RAB30: variants seen among roughly 807,000 people sequenced by gnomAD.
RAB30 encodes the protein ras-related protein Rab-30.
A neutral mutation model predicts 25.1 loss-of-function variants in RAB30; 9 were observed. That is an observed-to-expected ratio of 0.36 (90% CI 0.22 to 0.63). RAB30 has a LOEUF of 0.63. Among genes scored for constraint, RAB30 ranks in the 20% least tolerant of loss-of-function variants. The pLI is 0.69. For missense variants in RAB30, 140 were observed against 243.5 expected, an observed-to-expected ratio of 0.58 and a Z score of 2.83; for synonymous variants, 77 against 86.4, an observed-to-expected ratio of 0.89 and a Z score of 0.60.
intron 1 of RAB30, among the ~76,000 whole-genome samples, chr11:83,030,194 AT>A (rs948210761): frequency 6.6e-6 from 1 of 152,128 alleles, no homozygotes; most frequent in African/African-American, 2.4e-5. Context: ...ATTTAAAAAA[AT>A]TTTTTTAATG....
At chr11:82,992,827 A>C (rs1010263836) in intron 3 of RAB30, among the ~76,000 whole-genome samples, 7 of 151,652 alleles carry the variant, frequency 4.6e-5, no homozygotes, top group African/African-American at 1.5e-4. Context: ...GGCTCACTGC[A>C]GACTCAACTT....
At chr11:82,999,138 G>C (rs927226389) in intron 1 of RAB30, among the ~76,000 whole-genome samples, 2 of 152,226 alleles carry the variant, frequency 1.3e-5, no homozygotes, top group Non-Finnish European at 1.5e-5. Flanking sequence ...TCCATAAGCA[G>C]TGGTAGCATT....
chr11:82,989,320 G>A (rs1856802538), intron 3 of RAB30, among the ~76,000 whole-genome samples: 1 of 152,168 alleles, frequency 6.6e-6, no homozygotes, highest in African/African-American at 2.4e-5. Context: ...ATCCATTGCT[G>A]TCACCCTCTG....
intron 1 of RAB30, among the ~76,000 whole-genome samples, chr11:83,057,581 G>A (rs2121519831): frequency 6.6e-6 from 1 of 152,278 alleles, no homozygotes; most frequent in African/African-American, 2.4e-5. Context: ...TTGAGGGAGA[G>A]GAAAGGGAAG....
intron 1 of RAB30, among the ~76,000 whole-genome samples, chr11:83,059,246 T>C (rs1858515875): frequency 6.6e-6 from 1 of 152,200 alleles, no homozygotes; most frequent in Non-Finnish European, 1.5e-5. Context: ...CTGGCCTCTT[T>C]CCAGGGTTTC....
At chr11:83,061,566 G>A (rs1288450991) in intron 1 of RAB30, among the ~76,000 whole-genome samples, 2 of 152,114 alleles carry the variant, frequency 1.3e-5, no homozygotes, top group Non-Finnish European at 2.9e-5. Flanking sequence ...TTACTTTCAA[G>A]TGGTTTAGAA....
chr11:83,022,533 C>T (rs1857605390), intron 1 of RAB30, among the ~76,000 whole-genome samples: 1 of 152,196 alleles, frequency 6.6e-6, no homozygotes, highest in Non-Finnish European at 1.5e-5. Context: ...GTTCCATTAA[C>T]TTCCAATAAT....
chr11:82,999,822 C>A (rs1281401071), intron 1 of RAB30, among the ~76,000 whole-genome samples: 1 of 152,098 alleles, frequency 6.6e-6, no homozygotes, highest in East Asian at 1.9e-4. Flanking sequence ...GGTCCTGGGC[C>A]TCCCTGCTCT....
chr11:83,069,591 A>G (rs1236383912), intron 1 of RAB30, among the ~76,000 whole-genome samples: 1 of 152,118 alleles, frequency 6.6e-6, no homozygotes, highest in African/African-American at 2.4e-5. Flanking sequence ...AAGAGGGGGG[A>G]AAGATCAGCC....
chr11:83,058,642 T>C (rs1858503227), intron 1 of RAB30, among the ~76,000 whole-genome samples: 1 of 152,380 alleles, frequency 6.6e-6, no homozygotes, highest in Admixed American at 6.5e-5. Flanking sequence ...GTGTAAACGT[T>C]GATCACTTAA....
chr11:83,067,302 G>T (rs572796017), intron 1 of RAB30, among the ~76,000 whole-genome samples: 1 of 152,178 alleles, frequency 6.6e-6, no homozygotes, highest in Admixed American at 6.5e-5. Context: ...CCATGCTGGG[G>T]TAAGTATAAA....
At chr11:83,037,099 T>A (rs1354050249) in intron 1 of RAB30, among the ~76,000 whole-genome samples, 2 of 151,920 alleles carry the variant, frequency 1.3e-5, no homozygotes, top group African/African-American at 2.4e-5. Flanking sequence ...AGGGGAGAGA[T>A]AATGGTGGCC....
rs1478854620 is a variant in RAB30, at chr11:82,976,282, T to A, written c.*5883A>T. 6.6e-6 allele frequency: 1 copy of A among 152,224 alleles called. No homozygotes were observed. Among genetic ancestry groups the A allele is most frequent in the Non-Finnish European group, 1.5e-5 (1 of 68,028 alleles). 9.4% of individuals were successfully genotyped at this position (152,224 alleles called of 1,614,324 possible). A position where few individuals can be genotyped will look rare whatever the true frequency, so the allele number is the denominator to read the frequency against. On this transcript the variant is annotated 3_prime_UTR_variant, in exon 5 of 5. Coordinates refer to ENST00000527633, the MANE Select transcript of RAB30 (RefSeq NM_001286060.2). ...ATTAAAGTGAAAAAGAACTAATATT[T>A]GAGTGCTAACTGTTTACCAAGCACT...
intron 1 of RAB30, among the ~76,000 whole-genome samples, chr11:83,068,034 A>C (rs759978895): frequency 9.9e-5 from 15 of 151,624 alleles, no homozygotes; most frequent in Non-Finnish European, 1.9e-4. Flanking sequence ...CTGAGGCAGG[A>C]GAATCGCTTG....
At chr11:83,014,772 GAGAA>G (rs1002424148) in intron 1 of RAB30, among the ~76,000 whole-genome samples, 19 of 150,520 alleles carry the variant, frequency 1.3e-4, no homozygotes, top group East Asian at 3.9e-4. Context: ...GAGAAAGAAA[GAGAA>G]AGAAAGAAAG....
At chr11:83,025,528 C>A (rs1857690221) in intron 1 of RAB30, among the ~76,000 whole-genome samples, 1 of 152,222 alleles carries the variant, frequency 6.6e-6, no homozygotes, top group Non-Finnish European at 1.5e-5. Flanking sequence ...GAAAGGGGCA[C>A]TGCAGCTCAT....
chr11:83,018,392 A>G (rs1857489951), intron 1 of RAB30, among the ~76,000 whole-genome samples: 1 of 150,744 alleles, frequency 6.6e-6, no homozygotes, highest in African/African-American at 2.4e-5. Flanking sequence ...TTCTCGGAGG[A>G]GTAAGGTGGT....
At chr11:82,993,270 T>A (rs1280300571) in intron 3 of RAB30, among the ~76,000 whole-genome samples, 4 of 152,122 alleles carry the variant, frequency 2.6e-5, no homozygotes, top group African/African-American at 4.8e-5. Context: ...GTTGGTGAAA[T>A]GGGTTCAAAT....
chr11:82,994,726 G>C (rs1856924430), intron 2 of RAB30, among the ~76,000 whole-genome samples: 1 of 152,150 alleles, frequency 6.6e-6, no homozygotes, highest in Non-Finnish European at 1.5e-5. Context: ...GGTGATCACT[G>C]TTTTCCTCAG....
Sources: allele counts gnomAD v4.1 joint callset (sites outside exome capture counted in the v4.1 genomes callset), GRCh38; gene constraint gnomAD v4.1.1; transcripts MANE v1.5; gene names NCBI Gene and HGNC (gene_info 2026-07-23, HGNC 2026-07-21).